ZNF566: variants seen among roughly 807,000 people sequenced by gnomAD.
ZNF566 encodes the protein zinc finger protein 566.
Under a neutral mutation model 32.8 loss-of-function variants are expected in ZNF566, and 27 were observed. The ratio of observed to expected loss-of-function variants is 0.82; its 90% confidence interval spans 0.61 to 1.14. ZNF566 has a LOEUF of 1.14. Among genes scored for constraint, ZNF566 ranks in the 50% most tolerant of loss-of-function variants. The pLI is 0.00. For synonymous variants in ZNF566, 154 were observed against 159.5 expected (o/e 0.97, Z 0.26); for missense variants, 402 against 490.4 (o/e 0.82, Z 1.70).
chr19:36,487,897 CAAAAAAAA>C (rs201784748), intron 1 of ZNF566, among the ~76,000 whole-genome samples: 1 of 75,526 alleles, frequency 1.3e-5, no homozygotes, highest in African/African-American at 5.0e-5. Flanking sequence ...GACTCTGTCT[CAAAAAAAA>C]AAAAAAAAAA....
Position 36,449,685 on chromosome 19 carries a change from G to C in ZNF566, c.549C>G (p.Gly183=), listed in dbSNP as rs1309855903. The change falls in exon 5 of 5, where the codon GGC becomes GGG. Residue 183 remains glycine (G), a synonymous_variant. Transcript: ENST00000452939. ...TTATCTCATGTGTAGCAAACTGTGA[G>C]CCATGTCTAAAGGTTTTCCTATATT... ...SKEYRKTFRH[G]SQFATHEIIH... The C allele has an allele frequency of 6.2e-7, 1 of 1,613,944 alleles. No individual in the cohort carries two copies. The highest frequency in any genetic ancestry group is 1.3e-5 in the African/African-American group (1 of 74,918).
In ZNF566 at chr19:36,448,985, AC is replaced by A; in HGVS notation, c.1248del (p.Leu416PhefsTer32). On this transcript the variant is annotated frameshift_variant, in exon 5 of 5. Transcript: ENST00000452939. LOFTEE classifies it high-confidence loss of function. ...YDPQLIQHQNLYW is the reference protein window; with the variant it reads ...YDPQLIQHQNXYW Reference sequence around the variant, plus strand: ...TCATATATTCTGTTTCATCACCAGTACAAATTTTGATGCTGAATAAGTTGTG... The same window carrying A: ...TCATATATTCTGTTTCATCACCAGTAAAATTTTGATGCTGAATAAGTTGTG... 6.3e-7 allele frequency: 1 copy of A among 1,578,908 alleles called. No homozygotes were observed.
At chr19:36,467,848 TA>T (rs924204724) in intron 4 of ZNF566, among the ~76,000 whole-genome samples, 9 of 135,300 alleles carry the variant, frequency 6.7e-5, no homozygotes, top group Non-Finnish European at 1.4e-4. Flanking sequence ...AAATGCAAAT[TA>T]AAACCACACT....
chr19:36,460,783 T>C (rs2033441788), intron 4 of ZNF566, among the ~76,000 whole-genome samples: 1 of 151,774 alleles, frequency 6.6e-6, no homozygotes, highest in African/African-American at 2.4e-5. Context: ...CTGCTGAAAA[T>C]CAAAGACAAA....
intron 4 of ZNF566, among the ~76,000 whole-genome samples, chr19:36,466,270 A>G (rs1206189877): frequency 1.3e-5 from 2 of 152,242 alleles, no homozygotes; most frequent in Admixed American, 6.5e-5. Flanking sequence ...TATATTAAAA[A>G]AGACAACAAT....
At chr19:36,465,289 C>T (rs1376000599) in intron 4 of ZNF566, among the ~76,000 whole-genome samples, 1 of 152,088 alleles carries the variant, frequency 6.6e-6, no homozygotes, top group African/African-American at 2.4e-5. Flanking sequence ...TAAACTAATA[C>T]AACACTTGGA....
intron 2 of ZNF566, 162 bp downstream of exon 2, chr19:36,476,387 G>C: frequency 2.0e-6 from 1 of 512,102 alleles, no homozygotes; most frequent in Non-Finnish European, 3.5e-6. Context: ...GCCTGTTAGA[G>C]ATCCTTTCCT....
intron 1 of ZNF566, among the ~76,000 whole-genome samples, chr19:36,488,869 T>C (rs1234077813): frequency 1.3e-5 from 2 of 152,136 alleles, no homozygotes; most frequent in Admixed American, 1.3e-4. Context: ...CTGTGTGACT[T>C]ACCCTGCCAC....
intron 4 of ZNF566, among the ~76,000 whole-genome samples, chr19:36,464,611 T>A (rs2033566299): frequency 6.6e-6 from 1 of 152,116 alleles, no homozygotes; most frequent in African/African-American, 2.4e-5. Context: ...CAAAACCCTG[T>A]CTCTACAAAA....
At chr19:36,459,672 G>A (rs563491060) in intron 4 of ZNF566, among the ~76,000 whole-genome samples, 6 of 150,166 alleles carry the variant, frequency 4.0e-5, no homozygotes, top group African/African-American at 9.8e-5. Flanking sequence ...CACCACGCCC[G>A]GCTAATTTTT....
rs1465552266 is a variant in ZNF566, at chr19:36,448,794, G to A, written c.*183C>T. The A allele has an allele frequency of 1.4e-5, 7 of 513,518 alleles. No individual in the cohort carries two copies. Among genetic ancestry groups the A allele is most frequent in the Non-Finnish European group, 2.3e-5 (7 of 304,242 alleles). 31.8% of individuals were successfully genotyped at this position (513,518 alleles called of 1,614,324 possible). A position where few individuals can be genotyped will look rare whatever the true frequency, so the allele number is the denominator to read the frequency against. On this transcript the variant is annotated 3_prime_UTR_variant, in exon 5 of 5. Transcript: ENST00000452939. ...AAGAGAAGTAAGCGTTTAGTTAAGG[G>A]CTTCCAAAGTATATTCTATTCATAG...
At chr19:36,483,195 A>C (rs914148750) in intron 1 of ZNF566, among the ~76,000 whole-genome samples, 2 of 152,242 alleles carry the variant, frequency 1.3e-5, no homozygotes, top group African/African-American at 4.8e-5. Context: ...TTGGGAAAAG[A>C]AAATACCCTG....
chr19:36,469,408 C>T (rs1476553145), intron 4 of ZNF566, among the ~76,000 whole-genome samples: 1 of 151,972 alleles, frequency 6.6e-6, no homozygotes, highest in Non-Finnish European at 1.5e-5. Context: ...GGCATGGTGG[C>T]GGGTGCCTGT....
chr19:36,473,062 A>G, intron 3 of ZNF566, 56 bp from the exon 4 acceptor site: 1 of 1,467,000 alleles, frequency 6.8e-7, no homozygotes, highest in East Asian at 2.3e-5. Context: ...CTAGAATTCA[A>G]ATCCAGTCCC....
intron 4 of ZNF566, among the ~76,000 whole-genome samples, chr19:36,457,131 A>T (rs1331114455): frequency 6.6e-6 from 1 of 152,218 alleles, no homozygotes; most frequent in Non-Finnish European, 1.5e-5. Flanking sequence ...TTCAATAAAG[A>T]TGCCAAGAAC....
chr19:36,458,244 C>T (rs202237258), intron 4 of ZNF566, among the ~76,000 whole-genome samples: 1 of 83,676 alleles, frequency 1.2e-5, no homozygotes, highest in Non-Finnish European at 2.5e-5. Flanking sequence ...TATATGTATA[C>T]ACACACACAT....
At chr19:36,460,684 A>G (rs1398697238) in intron 4 of ZNF566, among the ~76,000 whole-genome samples, 2 of 152,196 alleles carry the variant, frequency 1.3e-5, no homozygotes, top group East Asian at 3.8e-4. Flanking sequence ...TTTGTGAAAG[A>G]TAAAACAAGC....
At chr19:36,460,930 T>C (rs1009836067) in intron 4 of ZNF566, among the ~76,000 whole-genome samples, 62 of 151,860 alleles carry the variant, frequency 4.1e-4, no homozygotes, top group African/African-American at 1.5e-3. Flanking sequence ...AAAAAAAGAG[T>C]TGTGAATCCA....
chr19:36,453,224 C>T (rs2033207896), intron 4 of ZNF566, among the ~76,000 whole-genome samples: 1 of 151,544 alleles, frequency 6.6e-6, no homozygotes, highest in Admixed American at 6.6e-5. Flanking sequence ...TGTGTAATCT[C>T]AGGACTTTGG....
Sources: gnomAD v4.1 joint callset for allele counts (sites outside exome capture counted in the v4.1 genomes callset) on GRCh38, gnomAD v4.1.1 for gene constraint, MANE v1.5 for transcripts, NCBI Gene and HGNC (gene_info 2026-07-23, HGNC 2026-07-21) for gene names.